The following IL10RB variants were observed in gnomAD, a reference collection of about 807,000 sequenced individuals.
IL10RB encodes interleukin 10 receptor subunit beta, also known as interleukin-10 receptor subunit beta.
IL10RB carries 30 observed loss-of-function variants against 38.7 expected under a neutral mutation model. That is an observed-to-expected ratio of 0.78 (90% CI 0.58 to 1.05). The LOEUF (loss-of-function observed/expected upper bound fraction) is 1.05. Among genes scored for constraint, IL10RB ranks in the 50% least tolerant of loss-of-function variants. The probability of loss-of-function intolerance (pLI) is 0.00; values close to 1 mark genes in which losing one functional copy is unlikely to be tolerated. For missense variants in IL10RB, 328 were observed against 397.1 expected, an observed-to-expected ratio of 0.83 and a Z score of 1.48; for synonymous variants, 142 against 145.9, an observed-to-expected ratio of 0.97 and a Z score of 0.19.
At position 33,270,314 on chromosome 21, in the gene IL10RB, CTCTG is replaced by C. The variant is rs201431611; in HGVS notation, c.173+1809_173+1812del. 2.9e-3 allele frequency among the ~76,000 whole-genome samples: 436 copies of C among 151,682 alleles called. 9 individuals are homozygous for C. The East Asian group carries it at 0.044, about 15-fold the overall frequency. ...TTTACTGTGGAAAATTAAATTTCTT[CTCTG>C]TCTGTCTGTCTCCCTGTAGTTTTTC... is the stretch of plus-strand genomic sequence containing the variant. On this transcript the variant is annotated intron_variant, in intron 2 of 6. Coordinates refer to ENST00000290200, the MANE Select transcript of IL10RB (RefSeq NM_000628.5).
rs1038725144 is a variant in IL10RB, at chr21:33,268,535, A to G, written c.173+18A>G. 2 of 1,582,350 alleles carry G rather than the reference A, an allele frequency of 1.3e-6. No individual in the cohort carries two copies. The highest frequency in any genetic ancestry group is 1.3e-5 in the African/African-American group (1 of 74,458). The stretch of plus-strand genomic sequence containing the variant: ...TACCTAAGGTGGGTCTGGCCTCACT[A>G]TTGGCAGGAACGCACCGGAGGAGCC... On this transcript the variant is annotated intron_variant, in intron 2 of 6. Transcript: ENST00000290200.
At position 33,283,132 on chromosome 21, in the gene IL10RB, A is replaced by C. The variant is rs1989309241; in HGVS notation, c.537A>C (p.Arg179Ser). The change falls in exon 5 of 7, where the codon AGA becomes AGC. Residue 179 changes from arginine to serine, a missense_variant. Physicochemically the swap from Arg to Ser is moderately radical, Grantham distance 110. Transcript: ENST00000290200. ...CCCAGTATGACTTTGAGGTCCTCAG[A>C]AACCTGGAGCCATGGACAACTTATT... ...ITPQYDFEVL[R>S]NLEPWTTYCV... The C allele has an allele frequency of 6.2e-7, 1 of 1,613,928 alleles. No individual in the cohort carries two copies. Among genetic ancestry groups the C allele is most frequent in the South Asian group, 1.1e-5 (1 of 91,084 alleles).
downstream of IL10RB, among the ~76,000 whole-genome samples, chr21:33,301,370 C>T (rs1296491077): frequency 1.3e-5 from 2 of 152,190 alleles, no homozygotes; most frequent in African/African-American, 4.8e-5. Flanking sequence ...CTTAATTAAA[C>T]AGCCACTGAC....
chr21:33,273,016 GACAGTCACGGGTCACTTA>G (rs1989108331), intron 2 of IL10RB, among the ~76,000 whole-genome samples: 1 of 152,190 alleles, frequency 6.6e-6, no homozygotes, highest in Non-Finnish European at 1.5e-5. Flanking sequence ...TATAGGACAG[GACAGTCACGGGTCACTTA>G]ACAACTGGGG....
At chr21:33,280,370 C>T (rs2834170) in intron 4 of IL10RB, among the ~76,000 whole-genome samples, 14,716 of 152,132 alleles carry the variant, frequency 0.097, 2,442 homozygotes, top group African/African-American at 0.34. Flanking sequence ...AAGATCTGAT[C>T]GGAATATCAC....
chr21:33,276,500 T>C, intron 2 of IL10RB, 96 bp from the exon 3 acceptor site: 1 of 933,160 alleles, frequency 1.1e-6, no homozygotes, highest in South Asian at 1.3e-5. Context: ...CAGTTTCCAC[T>C]CCCGCGCCGC....
Position 33,288,275 on chromosome 21 carries a change from A to T in IL10RB, c.804+14A>T. ...CACCTGAAAGAGGTAGGTAGGATGGAGTGAGATGTGGATTTGAAAACCTTG... is the reference window on the plus strand; with the variant it reads ...CACCTGAAAGAGGTAGGTAGGATGGTGTGAGATGTGGATTTGAAAACCTTG... On this transcript the variant is annotated intron_variant, in intron 6 of 6. Transcript: ENST00000290200. The T allele has an allele frequency of 6.2e-7, 1 of 1,612,200 alleles. No homozygotes were observed. Among genetic ancestry groups the T allele is most frequent in the Middle Eastern group, 1.7e-4 (1 of 6,056 alleles).
chr21:33,279,723 A>AT, intron 3 of IL10RB, 29 bp from the exon 4 acceptor site: 2 of 1,604,848 alleles, frequency 1.2e-6, no homozygotes, highest in Non-Finnish European at 1.7e-6. Flanking sequence ...GTGATTTTTG[A>AT]TTGTCATTTT....
intron 2 of IL10RB, among the ~76,000 whole-genome samples, chr21:33,271,234 G>A (rs897853985): frequency 1.3e-5 from 2 of 152,180 alleles, no homozygotes; most frequent in African/African-American, 4.8e-5. Flanking sequence ...GAGTTGTTTA[G>A]AGTTTAGCAT....
intron 6 of IL10RB, among the ~76,000 whole-genome samples, chr21:33,291,220 A>G (rs1361116409): frequency 6.6e-6 from 1 of 152,066 alleles, no homozygotes; most frequent in Non-Finnish European, 1.5e-5. Context: ...CAGCAACCCT[A>G]TCTCCAAATA....
chr21:33,281,103 C>A (rs1055186691), intron 4 of IL10RB, among the ~76,000 whole-genome samples: 1 of 152,224 alleles, frequency 6.6e-6, no homozygotes, highest in African/African-American at 2.4e-5. Context: ...AGGATGTAAA[C>A]AGCTCCCTTG....
intron 2 of IL10RB, among the ~76,000 whole-genome samples, chr21:33,273,966 C>T (rs1177278168): frequency 6.6e-6 from 1 of 152,136 alleles, no homozygotes; most frequent in Non-Finnish European, 1.5e-5. Flanking sequence ...GTCTTGAACC[C>T]CTTAAAGTCA....
chr21:33,283,361 A>G, intron 5 of IL10RB, 120 bp downstream of exon 5: 1 of 1,034,962 alleles, frequency 9.7e-7, no homozygotes, highest in Admixed American at 1.9e-5. Context: ...CCCTGACATT[A>G]TCTCTCAGCC....
Position 33,268,446 on chromosome 21 carries a change from C to T in IL10RB, c.102C>T (p.Phe34=). The T allele has an allele frequency of 6.2e-7, 1 of 1,614,076 alleles. No homozygotes were observed. Among genetic ancestry groups the T allele is most frequent in the Non-Finnish European group, 8.5e-7 (1 of 1,179,878 alleles). The change falls in exon 2 of 7, where the codon TTC becomes TTT. Residue 34 remains phenylalanine, a synonymous_variant. Coordinates refer to ENST00000290200, the MANE Select transcript of IL10RB (RefSeq NM_000628.5). ...ATGTCAGAATGAATTCTGTTAATTT[C>T]AAGAACATTCTACAGTGGGAGTCAC... The part of the protein sequence containing the change: ...PENVRMNSVN[F]KNILQWESPA...
chr21:33,279,861 T>A lies in IL10RB; in HGVS notation c.441T>A (p.Asn147Lys). The A allele has an allele frequency of 6.2e-7, 1 of 1,613,782 alleles. No homozygotes were observed. Among genetic ancestry groups the A allele is most frequent in the Non-Finnish European group, 8.5e-7 (1 of 1,179,650 alleles). ...ENEYETWTMK[N>K]VYNSWTYNVQ... is the part of the protein sequence containing the mutation. ...AATACGAAACTTGGACTATGAAGAA[T>A]GTGTATAACTCATGGACTTATAATG... The change falls in exon 4 of 7, where the codon AAT becomes AAA. Residue 147 changes from asparagine to lysine, a missense_variant. By Grantham distance (94) the Asn-to-Lys change is moderately conservative. Transcript: ENST00000290200.
chr21:33,269,878 A>G (rs1989044677), intron 2 of IL10RB, among the ~76,000 whole-genome samples: 1 of 152,006 alleles, frequency 6.6e-6, no homozygotes, highest in Non-Finnish European at 1.5e-5. Flanking sequence ...CAGGATGGTC[A>G]CTATCTCCTG....
chr21:33,274,165 T>C (rs1026139336), intron 2 of IL10RB, among the ~76,000 whole-genome samples: 3 of 152,176 alleles, frequency 2.0e-5, no homozygotes, highest in African/African-American at 7.2e-5. Context: ...ACAAAATATA[T>C]TTCTTTATTT....
chr21:33,266,884 A>C (rs1030808991), intron 1 of IL10RB, among the ~76,000 whole-genome samples: 2 of 152,030 alleles, frequency 1.3e-5, no homozygotes, highest in African/African-American at 2.4e-5. Flanking sequence ...TCTGGAGACT[A>C]TCAGTTCAAG....
At chr21:33,299,888 C>T (rs1481931874), downstream of IL10RB, among the ~76,000 whole-genome samples, 2 of 152,166 alleles carry the variant, frequency 1.3e-5, no homozygotes, top group East Asian at 3.9e-4. Context: ...TCAAAGGGGT[C>T]GCTTTCTTTT....
Sources: gnomAD v4.1 joint callset for allele counts (sites outside exome capture counted in the v4.1 genomes callset) on GRCh38, gnomAD v4.1.1 for gene constraint, MANE v1.5 for transcripts, NCBI Gene and HGNC (gene_info 2026-07-23, HGNC 2026-07-21) for gene names.